APBA2: variants seen among roughly 807,000 people sequenced by gnomAD.
The protein encoded by APBA2 is amyloid-beta A4 precursor protein-binding family A member 2.
Under a neutral mutation model 75.0 loss-of-function variants are expected in APBA2, and 30 were observed. The observed-to-expected ratio is 0.40, with a 90% CI of 0.30 to 0.54. The LOEUF (loss-of-function observed/expected upper bound fraction) is 0.54. Ranked by LOEUF, APBA2 falls within the 20% of genes least tolerant of loss-of-function variation. The pLI, the probability that APBA2 is intolerant of heterozygous loss-of-function variation, is 0.49. For missense variants in APBA2, 801 were observed against 1,016.1 expected (o/e 0.79, Z 2.88); for synonymous variants, 444 against 409.6 (o/e 1.08, Z -1.01).
chr15:29,053,734 C>T lies in APBA2; in HGVS notation c.-40-111C>T. ...GGCGCACTGTTTGAACAGATGTGCC[C>T]TCACATGGCTGCGGGAGGACGTGGT... is the stretch of plus-strand genomic sequence containing the variant. On this transcript the variant is annotated intron_variant, in intron 3 of 14. Transcript: ENST00000683413. The T allele has an allele frequency of 8.9e-6, 6 of 674,478 alleles. No homozygotes were observed. The East Asian group carries it at 1.1e-4, about 12-fold the overall frequency. 41.8% of individuals were successfully genotyped at this position (674,478 alleles called of 1,614,324 possible). A position where few individuals can be genotyped will look rare whatever the true frequency, so the allele number is the denominator to read the frequency against.
intron 2 of APBA2, among the ~76,000 whole-genome samples, chr15:28,937,859 G>A (rs915735801): frequency 3.9e-5 from 6 of 152,018 alleles, no homozygotes; most frequent in Non-Finnish European, 8.8e-5. Flanking sequence ...GGGTTTGACC[G>A]TGTTAGCCAG....
intron 2 of APBA2, among the ~76,000 whole-genome samples, chr15:28,939,354 G>C (rs2035057404): frequency 6.6e-6 from 1 of 152,096 alleles, no homozygotes; most frequent in Non-Finnish European, 1.5e-5. Flanking sequence ...CCTTCTTTCA[G>C]TTCTTTTGGG....
intron 3 of APBA2, among the ~76,000 whole-genome samples, chr15:29,045,069 T>TTCTCTCTCCCTCTCTCTCTCTC (rs2041239260): frequency 2.4e-5 from 2 of 82,866 alleles, no homozygotes; most frequent in African/African-American, 2.3e-4. Context: ...CCCTCCCTCC[T>TTCTCTCTCCCTCTCTCTCTCTC]TCTCTCTCTC....
chr15:29,093,779 G>A (rs1378489391), intron 7 of APBA2, among the ~76,000 whole-genome samples: 1 of 152,166 alleles, frequency 6.6e-6, no homozygotes, highest in African/African-American at 2.4e-5. Context: ...GACAGGATCT[G>A]CAGAGGCCCG....
At chr15:29,084,489 T>C (rs1314449835) in intron 6 of APBA2, among the ~76,000 whole-genome samples, 1 of 152,244 alleles carries the variant, frequency 6.6e-6, no homozygotes, top group East Asian at 1.9e-4. Flanking sequence ...AAAGCAAATC[T>C]CAGATCTTAC....
At chr15:28,976,217 C>T (rs1261828321) in intron 2 of APBA2, among the ~76,000 whole-genome samples, 1 of 152,212 alleles carries the variant, frequency 6.6e-6, no homozygotes, top group Non-Finnish European at 1.5e-5. Context: ...AGCAACCTTG[C>T]TTAACAGTCT....
chr15:29,006,526 G>A (rs2039124799), intron 3 of APBA2, among the ~76,000 whole-genome samples: 1 of 152,168 alleles, frequency 6.6e-6, no homozygotes, highest in African/African-American at 2.4e-5. Context: ...CTCGAGACTG[G>A]GTAATTTACA....
At chr15:28,933,726 G>A (rs928148599) in intron 2 of APBA2, among the ~76,000 whole-genome samples, 19 of 152,208 alleles carry the variant, frequency 1.2e-4, no homozygotes, top group African/African-American at 4.3e-4. Flanking sequence ...TTGCGTGCTT[G>A]GCCTGTGGAG....
chr15:29,010,164 ACTTGT>A (rs1386631846), intron 3 of APBA2, among the ~76,000 whole-genome samples: 2 of 152,144 alleles, frequency 1.3e-5, no homozygotes, highest in Non-Finnish European at 2.9e-5. Flanking sequence ...TCTTTCGAAT[ACTTGT>A]CTTGTGCTTT....
intron 3 of APBA2, among the ~76,000 whole-genome samples, chr15:29,006,258 C>G (rs1024176357): frequency 5.9e-5 from 9 of 152,118 alleles, no homozygotes; most frequent in Admixed American, 5.2e-4. Context: ...GTTGCAGGAT[C>G]CAAAATCAAC....
At chr15:28,926,006 TGATTA>T (rs2034241718) in intron 2 of APBA2, among the ~76,000 whole-genome samples, 1 of 152,216 alleles carries the variant, frequency 6.6e-6, no homozygotes, top group Middle Eastern at 3.2e-3. Flanking sequence ...CAACTTACTT[TGATTA>T]GAGTTAGCAT....
At position 29,098,044 on chromosome 15, in the gene APBA2, A is replaced by G. The variant is rs60530634; in HGVS notation, c.1252-446A>G. On this transcript the variant is annotated intron_variant, in intron 8 of 14. Coordinates refer to ENST00000683413, the MANE Select transcript of APBA2 (RefSeq NM_001353788.2). ...GTCTGCGCGCCACATTTCTTTATCC[A>G]TTCATCGTGAATGGACTTCGGGTTG... is the stretch of plus-strand genomic sequence containing the variant. 5.0e-3 allele frequency among the ~76,000 whole-genome samples: 756 copies of G among 152,182 alleles called. 5 individuals are homozygous for G. The highest frequency in any genetic ancestry group is 0.017 in the African/African-American group (723 of 41,508).
chr15:28,966,954 A>G (rs1321582375), intron 2 of APBA2, among the ~76,000 whole-genome samples: 1 of 152,176 alleles, frequency 6.6e-6, no homozygotes, highest in Non-Finnish European at 1.5e-5. Context: ...TTTCCTCCGT[A>G]TCCACTGAGT....
intron 3 of APBA2, among the ~76,000 whole-genome samples, chr15:29,015,570 G>T (rs61190761): frequency 0.045 from 6,793 of 152,270 alleles, 402 homozygotes; most frequent in East Asian, 0.23. Flanking sequence ...TGTTAGTGGA[G>T]AACTTATTAT....
chr15:29,008,327 G>A (rs2039230498), intron 3 of APBA2, among the ~76,000 whole-genome samples: 1 of 152,206 alleles, frequency 6.6e-6, no homozygotes, highest in African/African-American at 2.4e-5. Flanking sequence ...TGGTAGCACA[G>A]CAGTGTGAAT....
chr15:29,069,744 C>T (rs575699815), intron 4 of APBA2, among the ~76,000 whole-genome samples: 3 of 152,374 alleles, frequency 2.0e-5, no homozygotes, highest in African/African-American at 7.2e-5. Context: ...TTAGCAAGAG[C>T]TACCCTGTGC....
chr15:28,919,147 A>C (rs1037584539), intron 1 of APBA2, among the ~76,000 whole-genome samples: 1 of 152,204 alleles, frequency 6.6e-6, no homozygotes, highest in African/African-American at 2.4e-5. Context: ...GGCGTGAGCC[A>C]CTGCGCCCGG....
At position 29,094,261 on chromosome 15, in the gene APBA2, C is replaced by T; in HGVS notation, c.1216-17C>T. On this transcript the variant is annotated splice_polypyrimidine_tract_variant and intron_variant, in intron 7 of 14. Transcript: ENST00000683413. Reference sequence around the variant, plus strand: ...CTCTGTGCCAACTTGTTTTTCTTTTCTCTTCCATGCTGTCAGAGGATGCAA... The same window carrying T: ...CTCTGTGCCAACTTGTTTTTCTTTTTTCTTCCATGCTGTCAGAGGATGCAA... The T allele has an allele frequency of 3.1e-6, 5 of 1,614,166 alleles. No homozygotes were observed. Among genetic ancestry groups the T allele is most frequent in the Non-Finnish European group, 4.2e-6 (5 of 1,179,976 alleles).
chr15:28,982,520 C>T (rs114078183), intron 2 of APBA2, among the ~76,000 whole-genome samples: 1,970 of 152,306 alleles, frequency 0.013, 58 homozygotes, highest in African/African-American at 0.045. Context: ...CCTCAGTCCT[C>T]CCTGGTATTT....
Sources: allele counts gnomAD v4.1 joint callset (sites outside exome capture counted in the v4.1 genomes callset), GRCh38; gene constraint gnomAD v4.1.1; transcripts MANE v1.5; gene names NCBI Gene and HGNC (gene_info 2026-07-23, HGNC 2026-07-21).